The following RHBDL3 variants were observed in gnomAD, a reference collection of about 807,000 sequenced individuals.
RHBDL3 encodes rhomboid-related protein 3.
Under a neutral mutation model 48.2 loss-of-function variants are expected in RHBDL3, and 28 were observed. That is an observed-to-expected ratio of 0.58 (90% CI 0.43 to 0.80). The LOEUF is 0.80. Ranked by LOEUF, RHBDL3 falls within the 30% of genes least tolerant of loss-of-function variation. The pLI is 0.00. For missense variants in RHBDL3, 464 were observed against 542.7 expected (o/e 0.85, Z 1.44); for synonymous variants, 208 against 232.3 (o/e 0.90, Z 0.95).
chr17:32,305,113 G>GTC (rs1347313032), intron 6 of RHBDL3, among the ~76,000 whole-genome samples: 1 of 140,078 alleles, frequency 7.1e-6, no homozygotes, highest in Non-Finnish European at 1.5e-5. Context: ...GTTAGACCTT[G>GTC]TCTCAAAAAG....
intron 7 of RHBDL3, among the ~76,000 whole-genome samples, chr17:32,312,202 G>A (rs969119365): frequency 2.6e-5 from 4 of 152,150 alleles, no homozygotes; most frequent in East Asian, 1.9e-4. Flanking sequence ...TTGGGAGGCC[G>A]AGGAAGGTGA....
rs1191048024 is a variant in RHBDL3, at chr17:32,291,347, GA to G, written c.519+2343del. Among the ~76,000 whole-genome samples, 588 of 125,938 alleles carry G rather than the reference GA, an allele frequency of 4.7e-3. 3 individuals carry two copies. The highest frequency in any genetic ancestry group is 0.013 in the African/African-American group (461 of 34,396). The allele number at this position is 125,938 out of a possible 152,430, so 82.6% of individuals were successfully genotyped here. A position where few individuals can be genotyped will look rare whatever the true frequency, so the allele number is the denominator to read the frequency against. ...GACTCCGTCTCAAAAAAGAAAAAAAGAAAAAAAAAAAAGAATTTAGGACCTT... is the reference window on the plus strand; with the variant it reads ...GACTCCGTCTCAAAAAAGAAAAAAAGAAAAAAAAAAAGAATTTAGGACCTT... On this transcript the variant is annotated intron_variant, in intron 4 of 8. Transcript: ENST00000269051.
intron 6 of RHBDL3, among the ~76,000 whole-genome samples, chr17:32,299,019 G>A (rs997466056): frequency 1.1e-4 from 16 of 151,140 alleles, no homozygotes; most frequent in African/African-American, 3.9e-4. Flanking sequence ...GATCTCCCTC[G>A]TGATGTCTCC....
chr17:32,292,126 C>T (rs956208474), intron 4 of RHBDL3, among the ~76,000 whole-genome samples: 5 of 151,306 alleles, frequency 3.3e-5, no homozygotes, highest in Non-Finnish European at 7.4e-5. Flanking sequence ...AACACAGGGA[C>T]GTAAATGATA....
At chr17:32,281,563 C>T (rs2040048869) in intron 2 of RHBDL3, among the ~76,000 whole-genome samples, 1 of 152,186 alleles carries the variant, frequency 6.6e-6, no homozygotes, top group Admixed American at 6.5e-5. Context: ...TCTACCCACC[C>T]AGAACAGGAG....
At chr17:32,303,554 C>T (rs1032133534) in intron 6 of RHBDL3, among the ~76,000 whole-genome samples, 3 of 152,178 alleles carry the variant, frequency 2.0e-5, no homozygotes, top group African/African-American at 7.2e-5. Flanking sequence ...AGATCAATAC[C>T]TAATTAAAGC....
intron 2 of RHBDL3, among the ~76,000 whole-genome samples, chr17:32,279,001 A>G (rs2039979126): frequency 6.6e-6 from 1 of 151,764 alleles, no homozygotes; most frequent in Admixed American, 6.6e-5. Context: ...GGTAGCACAT[A>G]CCTGTGGTCC....
At chr17:32,304,643 A>G (rs1052727971) in intron 6 of RHBDL3, among the ~76,000 whole-genome samples, 2 of 152,328 alleles carry the variant, frequency 1.3e-5, no homozygotes, top group Admixed American at 1.3e-4. Flanking sequence ...TGTTTCTTCA[A>G]TAACTACTGC....
intron 2 of RHBDL3, among the ~76,000 whole-genome samples, chr17:32,278,704 G>C (rs2039972099): frequency 6.6e-6 from 1 of 152,096 alleles, no homozygotes; most frequent in Non-Finnish European, 1.5e-5. Flanking sequence ...TTGGTGCCTT[G>C]GTTTCCTCTC....
At chr17:32,293,670 C>T (rs2040384863) in intron 4 of RHBDL3, among the ~76,000 whole-genome samples, 2 of 151,876 alleles carry the variant, frequency 1.3e-5, no homozygotes, top group South Asian at 4.1e-4. Flanking sequence ...ATGTGGAATT[C>T]GTCATCTCCC....
intron 4 of RHBDL3, among the ~76,000 whole-genome samples, chr17:32,290,490 G>T (rs965330896): frequency 2.6e-5 from 4 of 152,088 alleles, no homozygotes; most frequent in Non-Finnish European, 5.9e-5. Context: ...CTGAAATAAC[G>T]ATCTCGAAGC....
At chr17:32,310,883 C>CAA (rs11348841) in intron 7 of RHBDL3, among the ~76,000 whole-genome samples, 13 of 55,514 alleles carry the variant, frequency 2.3e-4, no homozygotes, top group Non-Finnish European at 3.9e-4. Context: ...GGCTCCATCT[C>CAA]AAAAAAAAAA....
chr17:32,314,605 A>T (rs1374447709), intron 7 of RHBDL3, among the ~76,000 whole-genome samples: 1 of 152,158 alleles, frequency 6.6e-6, no homozygotes, highest in Admixed American at 6.5e-5. Context: ...TCCCAGGGAG[A>T]CAGGGAGCAC....
chr17:32,291,403 C>T (rs1032993728), intron 4 of RHBDL3, among the ~76,000 whole-genome samples: 2 of 151,782 alleles, frequency 1.3e-5, no homozygotes, highest in Non-Finnish European at 2.9e-5. Flanking sequence ...CTATCCTGGC[C>T]GGGCACAGTG....
intron 2 of RHBDL3, among the ~76,000 whole-genome samples, chr17:32,280,127 G>A (rs964233898): frequency 7.9e-5 from 12 of 152,150 alleles, no homozygotes; most frequent in Non-Finnish European, 1.5e-4. Context: ...GGACTTGGCC[G>A]CCCCTCCCTC....
chr17:32,301,405 C>CAAAAAAAAAAAA (rs796579866), intron 6 of RHBDL3, among the ~76,000 whole-genome samples: 1 of 121,506 alleles, frequency 8.2e-6, no homozygotes. Context: ...CCATCTCTAC[C>CAAAAAAAAAAAA]AAAAAAAAAA....
At chr17:32,295,642 G>A (rs1370296716) in intron 5 of RHBDL3, among the ~76,000 whole-genome samples, 1 of 152,200 alleles carries the variant, frequency 6.6e-6, no homozygotes, top group African/African-American at 2.4e-5. Context: ...TCAGGGTGAG[G>A]AAGGAGAATA....
At chr17:32,306,800 A>G (rs1171079345) in intron 7 of RHBDL3, among the ~76,000 whole-genome samples, 1 of 152,158 alleles carries the variant, frequency 6.6e-6, no homozygotes, top group African/African-American at 2.4e-5. Context: ...GCATGGCTAT[A>G]GTCCCAGCTA....
intron 6 of RHBDL3, among the ~76,000 whole-genome samples, chr17:32,303,642 TTTTTTG>T (rs367561074): frequency 5.3e-5 from 8 of 152,234 alleles, no homozygotes; most frequent in Non-Finnish European, 8.8e-5. Flanking sequence ...ATGACAGGTT[TTTTTTG>T]TTTTTGTTTT....
Sources: allele counts gnomAD v4.1 joint callset (sites outside exome capture counted in the v4.1 genomes callset), GRCh38; gene constraint gnomAD v4.1.1; transcripts MANE v1.5; gene names NCBI Gene and HGNC (gene_info 2026-07-23, HGNC 2026-07-21).